The following BPTF variants were observed in gnomAD, a reference collection of about 807,000 sequenced individuals.
BPTF encodes the protein bromodomain PHD finger transcription factor.
In BPTF, 18 loss-of-function variants were observed where a neutral mutation model predicts 292.5. The observed-to-expected ratio is 0.06, with a 90% CI of 0.04 to 0.09. The LOEUF (loss-of-function observed/expected upper bound fraction) is 0.09, where lower values mean the gene tolerates loss of function less well. Ranked by LOEUF, BPTF falls within the 10% of genes least tolerant of loss-of-function variation. The pLI is 1.00. For missense variants in BPTF, 2,726 were observed against 3,498.7 expected, an observed-to-expected ratio of 0.78 and a Z score of 5.57; for synonymous variants, 1,225 against 1,251.9, an observed-to-expected ratio of 0.98 and a Z score of 0.45.
chr17:67,938,755 C>T (rs1386543935), intron 18 of BPTF, among the ~76,000 whole-genome samples: 2 of 152,146 alleles, frequency 1.3e-5, no homozygotes, highest in Non-Finnish European at 2.9e-5. Context: ...AAAGACTAGT[C>T]TGGCCGCATT....
intron 4 of BPTF, 73 bp downstream of exon 4, chr17:67,875,093 A>T: frequency 1.5e-6 from 2 of 1,307,812 alleles, no homozygotes; most frequent in Non-Finnish European, 2.1e-6. Context: ...TTACTTGCAA[A>T]ATGAAAGTGA....
intron 4 of BPTF, among the ~76,000 whole-genome samples, chr17:67,884,640 C>T (rs1598422679): frequency 1.3e-5 from 2 of 151,886 alleles, no homozygotes; most frequent in African/African-American, 2.4e-5. Context: ...GGTCTCGAAC[C>T]CCTGACCTCA....
intron 25 of BPTF, chr17:67,966,174 A>AATC: frequency 5.9e-6 from 1 of 170,738 alleles, no homozygotes; most frequent in African/African-American, 2.4e-5. Flanking sequence ...TGTGTGCTTG[A>AATC]ATGTTATCTA....
intron 15 of BPTF, among the ~76,000 whole-genome samples, chr17:67,926,751 T>G (rs1217024156): frequency 1.3e-5 from 2 of 152,162 alleles, no homozygotes; most frequent in African/African-American, 2.4e-5. Flanking sequence ...CCTCCTTTTT[T>G]TTTAGAGATA....
intron 23 of BPTF, among the ~76,000 whole-genome samples, chr17:67,949,405 T>C (rs1351071151): frequency 6.6e-6 from 1 of 151,462 alleles, no homozygotes; most frequent in Non-Finnish European, 1.5e-5. Flanking sequence ...TGAAACCCTG[T>C]CTCTACTAAA....
chr17:67,942,449 G>A (rs1334279226), intron 19 of BPTF, among the ~76,000 whole-genome samples: 2 of 152,130 alleles, frequency 1.3e-5, no homozygotes, highest in East Asian at 3.8e-4. Context: ...TTAAGAGATT[G>A]GTACAAATTT....
intron 26 of BPTF, among the ~76,000 whole-genome samples, chr17:67,968,057 GAGC>G (rs1261173004): frequency 1.0e-5 from 1 of 100,174 alleles, no homozygotes; most frequent in Non-Finnish European, 2.4e-5. Flanking sequence ...ATGGTAATAG[GAGC>G]CACGAGTAAT....
chr17:67,924,973 T>G (rs1351125965), intron 15 of BPTF, among the ~76,000 whole-genome samples: 1 of 151,484 alleles, frequency 6.6e-6, no homozygotes, highest in Non-Finnish European at 1.5e-5. Flanking sequence ...GGTCTTAAAC[T>G]CCTGGACTCA....
chr17:67,834,244 A>G (rs535382589), intron 1 of BPTF, among the ~76,000 whole-genome samples: 2 of 152,158 alleles, frequency 1.3e-5, no homozygotes, highest in African/African-American at 4.8e-5. Context: ...TCTGTTACTG[A>G]TTTCTAATTT....
intron 1 of BPTF, among the ~76,000 whole-genome samples, chr17:67,832,131 G>A (rs1420202653): frequency 1.3e-5 from 2 of 151,830 alleles, no homozygotes; most frequent in Admixed American, 6.6e-5. Flanking sequence ...CTTGTGATCC[G>A]CCTGCCTCAG....
chr17:67,890,563 G>A (rs1305221740), intron 4 of BPTF, among the ~76,000 whole-genome samples: 1 of 152,208 alleles, frequency 6.6e-6, no homozygotes, highest in Non-Finnish European at 1.5e-5. Context: ...AGCTAGTGGT[G>A]TGCTTTGTCT....
intron 2 of BPTF, among the ~76,000 whole-genome samples, chr17:67,858,548 C>G (rs926606644): frequency 7.9e-6 from 1 of 126,200 alleles, no homozygotes; most frequent in African/African-American, 3.5e-5. Context: ...GAGTGAGACT[C>G]TGTCTCCAAA....
chr17:67,853,124 A>G (rs1332545446), intron 1 of BPTF, among the ~76,000 whole-genome samples: 1 of 152,258 alleles, frequency 6.6e-6, no homozygotes, highest in Non-Finnish European at 1.5e-5. Flanking sequence ...CGACGGCTGT[A>G]GGTGATTAAA....
intron 24 of BPTF, chr17:67,960,172 T>C (rs2067339920): frequency 1.2e-5 from 3 of 260,756 alleles, no homozygotes; most frequent in Non-Finnish European, 7.3e-6. Context: ...CAGTGAGTAA[T>C]TGATGTCTGG....
At chr17:67,905,690 C>T (rs531636296) in intron 9 of BPTF, among the ~76,000 whole-genome samples, 1 of 151,992 alleles carries the variant, frequency 6.6e-6, no homozygotes, top group South Asian at 2.1e-4. Flanking sequence ...GCCTGGATGA[C>T]AGAACCAGAC....
intron 16 of BPTF, chr17:67,929,065 G>T: frequency 2.4e-6 from 3 of 1,269,970 alleles, no homozygotes; most frequent in Non-Finnish European, 3.0e-6. Context: ...TTACCAAACT[G>T]CCACTTCCTG....
rs757520968 is a variant in BPTF, at chr17:67,909,642, C to CA, written c.2881dup (p.Ile961AsnfsTer6). On this transcript the variant is annotated frameshift_variant, in exon 10 of 28. Transcript: ENST00000306378. LOFTEE classifies it high-confidence loss of function. ...GATAAAAGAAAATGTTCACGAAGTC[C>CA]AAAAAAAATAAAAATAGAGCCTGAT... The CA allele has an allele frequency of 1.0e-5, 16 of 1,585,768 alleles. No individual in the cohort carries two copies. Among genetic ancestry groups the CA allele is most frequent in the Admixed American group, 5.4e-5 (3 of 55,764 alleles).
intron 1 of BPTF, 29 bp from the exon 2 acceptor site, chr17:67,853,896 ATGTAATGTATTGATT>A: frequency 1.4e-6 from 2 of 1,449,696 alleles, no homozygotes; most frequent in Non-Finnish European, 1.9e-6. Context: ...TGTAGAAATG[ATGTAATGTATTGATT>A]TGTAATGATG....
At chr17:67,965,362 G>A (rs1555686709) in intron 25 of BPTF, 1 of 149,898 alleles carries the variant, frequency 6.7e-6, no homozygotes, top group Non-Finnish European at 1.5e-5. Flanking sequence ...AGAAAAACGG[G>A]ATCGAGATGG....
Sources: gnomAD v4.1 joint callset for allele counts (sites outside exome capture counted in the v4.1 genomes callset) on GRCh38, gnomAD v4.1.1 for gene constraint, MANE v1.5 for transcripts, NCBI Gene and HGNC (gene_info 2026-07-23, HGNC 2026-07-21) for gene names.